IQANK1: variants seen among roughly 807,000 people sequenced by gnomAD.
The protein encoded by IQANK1 is IQ motif and ankyrin repeat containing 1.
Under a neutral mutation model 22.6 loss-of-function variants are expected in IQANK1, and 30 were observed. The observed-to-expected ratio is 1.33, with a 90% confidence interval of 0.99 to 1.80. The LOEUF (loss-of-function observed/expected upper bound fraction) is 1.80, where lower values mean the gene tolerates loss of function less well. Ranked by LOEUF, IQANK1 falls within the 40% of genes most tolerant of loss-of-function variation. The pLI is 0.00. For synonymous variants in IQANK1, 122 were observed against 99.6 expected (o/e 1.23, Z -1.34); for missense variants, 275 against 235.2 (o/e 1.17, Z -1.11).
Position 143,771,462 on chromosome 8 carries a change from C to T in IQANK1, c.176-26C>T, listed in dbSNP as rs1032413051. 5 of 397,178 alleles carry T rather than the reference C, an allele frequency of 1.3e-5. No homozygotes were observed. The highest frequency in any genetic ancestry group is 2.2e-5 in the Non-Finnish European group (5 of 225,298). 24.6% of individuals were successfully genotyped at this position (397,178 alleles called of 1,614,324 possible). A position where few individuals can be genotyped will look rare whatever the true frequency, so the allele number is the denominator to read the frequency against. On this transcript the variant is annotated intron_variant, in intron 3 of 13. Coordinates refer to ENST00000527139, the MANE Select transcript of IQANK1 (RefSeq NM_001381874.1). This position sits in a 1 kb window ranked among gnomAD's most constrained non-coding sequence, Gnocchi z 6.0. Reference sequence around the variant, plus strand: ...AGGCGTGGCTGGAGGCGAGAACGCGCCCCCGTGAGCCTCTCCCCACCCCAG... The same window carrying T: ...AGGCGTGGCTGGAGGCGAGAACGCGTCCCCGTGAGCCTCTCCCCACCCCAG...
chr8:143,785,969 C>T (rs1819879821), intron 7 of IQANK1, among the ~76,000 whole-genome samples: 3 of 152,164 alleles, frequency 2.0e-5, no homozygotes. Flanking sequence ...TTGTGATCTG[C>T]CTGCCTCAGC....
chr8:143,761,796 ATAAAT>A (rs1168669069), intron 3 of IQANK1, among the ~76,000 whole-genome samples: 2 of 128,116 alleles, frequency 1.6e-5, no homozygotes, highest in African/African-American at 2.6e-5. Flanking sequence ...TCAAAAGAAA[ATAAAT>A]TTCAGTGTTT....
At chr8:143,760,024 C>G (rs1819366568) in intron 3 of IQANK1, among the ~76,000 whole-genome samples, 1 of 152,166 alleles carries the variant, frequency 6.6e-6, no homozygotes, top group African/African-American at 2.4e-5. Flanking sequence ...TGATCCCTGA[C>G]CGTCAGCCAC....
intron 7 of IQANK1, among the ~76,000 whole-genome samples, chr8:143,773,663 C>A (rs1554630045): frequency 6.6e-6 from 1 of 152,096 alleles, no homozygotes; most frequent in African/African-American, 2.4e-5. Context: ...AGAGTCTTTG[C>A]CCAGCTAGGG....
chr8:143,747,961 T>TC (rs781984372), intron 3 of IQANK1, among the ~76,000 whole-genome samples: 1,158 of 109,304 alleles, frequency 0.011, 10 homozygotes, highest in African/African-American at 0.037. Flanking sequence ...TCCTTTCCTT[T>TC]CCTTTCCTTT....
chr8:143,765,610 G>A (rs1819469879), intron 3 of IQANK1, among the ~76,000 whole-genome samples: 1 of 152,198 alleles, frequency 6.6e-6, no homozygotes, highest in Non-Finnish European at 1.5e-5. Context: ...ATATGCAGAA[G>A]TTCTTTAACA....
Position 143,739,843 on chromosome 8 carries a change from G to C in IQANK1, c.86-16G>C, listed in dbSNP as rs1563766792. The C allele has an allele frequency of 4.4e-6, 3 of 688,732 alleles. No homozygotes were observed. The highest frequency in any genetic ancestry group is 1.5e-5 in the South Asian group (1 of 65,526). The allele number at this position is 688,732 out of a possible 1,614,324, so 42.7% of individuals were successfully genotyped here. ...GGTCTCTCATCCCAAGCTCACTGAC[G>C]GTCGTTTTCCCTTAGGGAAGCCCGG... On this transcript the variant is annotated splice_polypyrimidine_tract_variant and intron_variant, in intron 2 of 13. Coordinates refer to ENST00000527139, the MANE Select transcript of IQANK1 (RefSeq NM_001381874.1).
At chr8:143,778,627 G>A (rs62526406) in intron 7 of IQANK1, among the ~76,000 whole-genome samples, 58,313 of 152,078 alleles carry the variant, frequency 0.38, 14,375 homozygotes, top group Non-Finnish European at 0.55. Flanking sequence ...CGATGATACC[G>A]AAGAGCTGAA....
intron 2 of IQANK1, chr8:143,739,284 G>C (rs1160491833): frequency 6.6e-6 from 1 of 152,310 alleles, no homozygotes; most frequent in African/African-American, 2.4e-5. Flanking sequence ...CCCAGCCCGG[G>C]GCTGCTGACT....
At chr8:143,789,293 T>C in intron 9 of IQANK1, 50 bp downstream of exon 9, 1 of 371,302 alleles carries the variant, frequency 2.7e-6, no homozygotes, top group Non-Finnish European at 4.6e-6. Flanking sequence ...GAGAGCCGGG[T>C]GGGGAGGAGG....
rs1258530250 is a variant in IQANK1, at chr8:143,758,338, C to G, written c.176-13150C>G. On this transcript the variant is annotated intron_variant, in intron 3 of 13. Transcript: ENST00000527139. The surrounding 1 kb of genome is among the most constrained non-coding windows in gnomAD (Gnocchi z 4.2). ...AATTAGCTGGGCATGGTGGCACATG[C>G]CTGTAGTCCTAGCTACTCGAAGGCT... is the stretch of plus-strand genomic sequence containing the variant. 7 of 152,278 alleles carry G rather than the reference C, an allele frequency of 4.6e-5. No individual in the cohort carries two copies. Among genetic ancestry groups the G allele is most frequent in the African/African-American group, 1.7e-4 (7 of 41,422 alleles). The allele number at this position is 152,278 out of a possible 1,614,324, so 9.4% of individuals were successfully genotyped here.
chr8:143,790,033 G>A lies in IQANK1; in HGVS notation c.1258G>A (p.Asp420Asn). 1.6e-6 allele frequency: 2 copies of A among 1,232,148 alleles called. No homozygotes were observed. Among genetic ancestry groups the A allele is most frequent in the East Asian group, 3.2e-5 (1 of 31,720 alleles). The allele number at this position is 1,232,148 out of a possible 1,614,324, so 76.3% of individuals were successfully genotyped here. The part of the protein sequence containing the change: ...VTELHDVLMK[D>N]VGNRIRADGR... ...CGAGCTGCACGATGTGCTGATGAAA[G>A]ATGTAGGCAACCGCATCCGTGCCGA... The change falls in exon 12 of 14, where the codon GAT (aspartate) becomes AAT (asparagine). Residue 420 changes from aspartate to asparagine, a missense_variant. Physicochemically the swap from Asp to Asn is conservative, Grantham distance 23 (BLOSUM62 1). Coordinates refer to ENST00000527139, the MANE Select transcript of IQANK1 (RefSeq NM_001381874.1).
At chr8:143,787,618 CTG>C (rs1554631523) in intron 7 of IQANK1, among the ~76,000 whole-genome samples, 1 of 152,216 alleles carries the variant, frequency 6.6e-6, no homozygotes, top group African/African-American at 2.4e-5. Flanking sequence ...TTGCACTTGT[CTG>C]TGGCCAGTCT....
intron 3 of IQANK1, among the ~76,000 whole-genome samples, chr8:143,755,150 A>G (rs868974365): frequency 1.3e-5 from 2 of 152,278 alleles, no homozygotes; most frequent in Middle Eastern, 6.8e-3. Flanking sequence ...ACTGCATCCC[A>G]TAAGATACAG....
chr8:143,789,629 CCT>C (rs1819979090), intron 10 of IQANK1, 101 bp downstream of exon 10: 1 of 1,222,352 alleles, frequency 8.2e-7, no homozygotes, highest in Non-Finnish European at 1.0e-6. Context: ...GGGGTTTTTC[CCT>C]CTCAAACATG....
At chr8:143,767,453 T>G (rs781820153) in intron 3 of IQANK1, among the ~76,000 whole-genome samples, 1 of 152,218 alleles carries the variant, frequency 6.6e-6, no homozygotes, top group Non-Finnish European at 1.5e-5. Flanking sequence ...CAAGTAGTTT[T>G]GGTCTTGCAG....
chr8:143,772,001 T>C lies in IQANK1; in HGVS notation c.471+36T>C, dbSNP rs1292072268. On this transcript the variant is annotated intron_variant, in intron 5 of 13. Coordinates refer to ENST00000527139, the MANE Select transcript of IQANK1 (RefSeq NM_001381874.1). ...GCGGGAGGAGGACGAGGGCGGGGGG[T>C]GGGGTGGGAGTGGGAGGAGCGGGGA... 3.2e-4 allele frequency: 8 copies of C among 25,286 alleles called. No homozygotes were observed. The East Asian group carries it at 5.1e-3, about 16-fold the overall frequency. 1.6% of individuals were successfully genotyped at this position (25,286 alleles called of 1,614,324 possible).
At chr8:143,747,966 T>TCCTTTCCTTTCCTTTCCTTTC (rs1554627406) in intron 3 of IQANK1, among the ~76,000 whole-genome samples, 3 of 139,006 alleles carry the variant, frequency 2.2e-5, no homozygotes, top group African/African-American at 6.0e-5. Context: ...TCCTTTCCTT[T>TCCTTTCCTTTCCTTTCCTTTC]CCTTTCCCTT....
chr8:143,789,818 G>C lies in IQANK1; in HGVS notation c.1144G>C (p.Glu382Gln). The C allele has an allele frequency of 4.1e-6, 5 of 1,232,186 alleles. No homozygotes were observed. In the East Asian group the frequency reaches 1.6e-4, roughly 39 times the overall value. The allele number at this position is 1,232,186 out of a possible 1,614,324, so 76.3% of individuals were successfully genotyped here. A position where few individuals can be genotyped will look rare whatever the true frequency, so the allele number is the denominator to read the frequency against. The change falls in exon 11 of 14, where the codon GAG becomes CAG. Residue 382 changes from glutamate (E) to glutamine (Q), a missense_variant. By Grantham distance (29) the Glu-to-Gln change is conservative. Coordinates refer to ENST00000527139, the MANE Select transcript of IQANK1 (RefSeq NM_001381874.1). ...DRLRQEAQKA[E>Q]EALAMARLEL... ...GCTGCGGCAGGAGGCCCAGAAGGCC[G>C]AGGAGGCGCTGGCTATGGCCAGGCT...
Sources: gnomAD v4.1 joint callset for allele counts (sites outside exome capture counted in the v4.1 genomes callset) on GRCh38, gnomAD v4.1.1 for gene constraint, Gnocchi (gnomAD v3.1) non-coding constraint, MANE v1.5 for transcripts, NCBI Gene and HGNC (gene_info 2026-07-23, HGNC 2026-07-21) for gene names.